The following SUMF1 variants were observed in gnomAD, a reference collection of about 807,000 sequenced individuals.
SUMF1 encodes sulfatase modifying factor 1.
A neutral mutation model predicts 47.6 loss-of-function variants in SUMF1; 48 were observed. The ratio of observed to expected loss-of-function variants is 1.01; its 90% CI spans 0.80 to 1.28. SUMF1 has a LOEUF of 1.28. Among genes scored for constraint, SUMF1 ranks in the 50% most tolerant of loss-of-function variants. The pLI is 0.00. For synonymous variants in SUMF1, 230 were observed against 192.1 expected (o/e 1.20, Z -1.63); for missense variants, 571 against 485.4 (o/e 1.18, Z -1.66).
At chr3:4,254,436 A>C (rs1301377822) in intron 8 of SUMF1, among the ~76,000 whole-genome samples, 1 of 150,876 alleles carries the variant, frequency 6.6e-6, no homozygotes, top group Non-Finnish European at 1.5e-5. Context: ...GATGGAGCTG[A>C]AAACCAAGGC....
intron 8 of SUMF1, among the ~76,000 whole-genome samples, chr3:4,235,193 C>A (rs1326259905): frequency 2.0e-5 from 3 of 152,032 alleles, no homozygotes; most frequent in Non-Finnish European, 4.4e-5. Context: ...AAAGCATCAA[C>A]AGAACTTTAT....
intron 8 of SUMF1, among the ~76,000 whole-genome samples, chr3:4,219,925 G>C (rs993019697): frequency 3.9e-5 from 6 of 152,102 alleles, no homozygotes; most frequent in Non-Finnish European, 7.4e-5. Flanking sequence ...ATCACCAAAG[G>C]GTTATTTTAA....
chr3:4,163,989 C>T (rs1412467401), intron 8 of SUMF1, among the ~76,000 whole-genome samples: 3 of 152,120 alleles, frequency 2.0e-5, no homozygotes, highest in African/African-American at 7.2e-5. Context: ...GTTAGAACCA[C>T]TGGCTATTTG....
intron 2 of SUMF1, among the ~76,000 whole-genome samples, chr3:4,452,289 G>C (rs149553798): frequency 6.6e-6 from 1 of 152,312 alleles, no homozygotes; most frequent in African/African-American, 2.4e-5. Flanking sequence ...ATTTAGGAAA[G>C]CATCCACTAT....
rs144733500 is a variant in SUMF1, at chr3:4,106,306, T to A, written c.1015-37561A>T. On this transcript the variant is annotated intron_variant and NMD_transcript_variant, in intron 8 of 12. Coordinates refer to the SUMF1 transcript ENST00000448413. ...AAAAGATAAAATGAAGATAAAGATA[T>A]CCGTTTGTAGTGATATTTCTACTTC... is the stretch of plus-strand genomic sequence containing the variant. 1.2e-3 allele frequency among the ~76,000 whole-genome samples: 184 copies of A among 152,204 alleles called. 5 individuals are homozygous for A. The highest frequency in any genetic ancestry group is 4.1e-3 in the African/African-American group (172 of 41,516).
At chr3:4,269,731 G>C (rs1212928802) in intron 8 of SUMF1, among the ~76,000 whole-genome samples, 1 of 152,076 alleles carries the variant, frequency 6.6e-6, no homozygotes, top group Non-Finnish European at 1.5e-5. Context: ...GAATAATATT[G>C]GAAGCCATGA....
chr3:4,064,268 C>T (rs1367844778), intron 9 of SUMF1, among the ~76,000 whole-genome samples: 4 of 109,692 alleles, frequency 3.6e-5, no homozygotes, highest in African/African-American at 1.1e-4. Flanking sequence ...ATGAAGTGAC[C>T]ACTGATCATC....
chr3:4,302,799 G>A (rs1023992112), intron 8 of SUMF1, among the ~76,000 whole-genome samples: 24 of 152,136 alleles, frequency 1.6e-4, no homozygotes, highest in Admixed American at 7.9e-4. Flanking sequence ...CCTTTGGCAG[G>A]GCAGGGGTTT....
intron 8 of SUMF1, among the ~76,000 whole-genome samples, chr3:4,371,456 T>C (rs902615197): frequency 2.0e-5 from 3 of 152,208 alleles, no homozygotes; most frequent in Admixed American, 6.5e-5. Context: ...GGGAGACTTT[T>C]TGGTACAAAG....
intron 8 of SUMF1, among the ~76,000 whole-genome samples, chr3:4,352,731 TAAAAAA>T (rs34628235): frequency 4.6e-5 from 5 of 108,236 alleles, no homozygotes; most frequent in Admixed American, 2.1e-4. Flanking sequence ...TTGCTGCGTG[TAAAAAA>T]AAAAAAAAAA....
At chr3:4,343,010 T>A (rs1294550645) in intron 8 of SUMF1, among the ~76,000 whole-genome samples, 1 of 152,184 alleles carries the variant, frequency 6.6e-6, no homozygotes, top group African/African-American at 2.4e-5. Context: ...ACTTTAAAAG[T>A]ATATAATCTC....
intron 8 of SUMF1, among the ~76,000 whole-genome samples, chr3:4,225,126 T>C (rs1263401945): frequency 6.6e-6 from 1 of 152,108 alleles, no homozygotes; most frequent in Non-Finnish European, 1.5e-5. Flanking sequence ...GGAAAGGCCC[T>C]GAATCTGAGG....
At chr3:4,248,405 C>T (rs754402285) in intron 8 of SUMF1, among the ~76,000 whole-genome samples, 1 of 152,176 alleles carries the variant, frequency 6.6e-6, no homozygotes, top group Non-Finnish European at 1.5e-5. Context: ...CAAGACATCA[C>T]TTTTTTGTTT....
chr3:4,359,418 C>A (rs372716548), downstream of SUMF1, among the ~76,000 whole-genome samples: 1 of 152,186 alleles, frequency 6.6e-6, no homozygotes, highest in Non-Finnish European at 1.5e-5. Flanking sequence ...GCTGGGACTA[C>A]AGGTACACAC....
At chr3:4,355,425 T>C (rs1045679079) in intron 8 of SUMF1, among the ~76,000 whole-genome samples, 5 of 152,182 alleles carry the variant, frequency 3.3e-5, no homozygotes, top group Admixed American at 3.3e-4. Flanking sequence ...CATTTAAAGG[T>C]AAATAAATAA....
intron 9 of SUMF1, among the ~76,000 whole-genome samples, chr3:4,045,952 G>A (rs147601917): frequency 2.4e-4 from 36 of 152,264 alleles, no homozygotes; most frequent in Non-Finnish European, 3.7e-4. Context: ...TCAGAAGGCT[G>A]AGGCAAGAGG....
chr3:4,243,495 A>G (rs775587252), intron 8 of SUMF1, among the ~76,000 whole-genome samples: 8 of 152,074 alleles, frequency 5.3e-5, no homozygotes, highest in Non-Finnish European at 8.8e-5. Flanking sequence ...GAACATCTTT[A>G]TTTCTGCCTT....
At chr3:4,247,823 T>A (rs2125005086) in intron 8 of SUMF1, among the ~76,000 whole-genome samples, 1 of 152,300 alleles carries the variant, frequency 6.6e-6, no homozygotes, top group Admixed American at 6.5e-5. Context: ...AAGATTTCGA[T>A]GAAGTACAAA....
intron 8 of SUMF1, among the ~76,000 whole-genome samples, chr3:4,161,173 A>G (rs1461985360): frequency 6.6e-6 from 1 of 151,812 alleles, no homozygotes; most frequent in Non-Finnish European, 1.5e-5. Flanking sequence ...TTTCTCCCAG[A>G]CAAACGGAGT....
Sources: gnomAD v4.1 joint callset for allele counts (sites outside exome capture counted in the v4.1 genomes callset) on GRCh38, gnomAD v4.1.1 for gene constraint, MANE v1.5 for transcripts, NCBI Gene and HGNC (gene_info 2026-07-23, HGNC 2026-07-21) for gene names.